TBL1X: variants seen among roughly 807,000 people sequenced by gnomAD.
TBL1X encodes F-box-like/WD repeat-containing protein TBL1X.
TBL1X carries 10 observed loss-of-function variants against 50.7 expected under a neutral mutation model. The ratio of observed to expected loss-of-function variants is 0.20; its 90% CI spans 0.12 to 0.33. TBL1X has a LOEUF of 0.33. TBL1X is among the 10% of genes least tolerant of loss of function. The probability of loss-of-function intolerance (pLI) is 1.00; values close to 1 mark genes in which losing one functional copy is unlikely to be tolerated. For missense variants in TBL1X, 340 were observed against 504.4 expected, an observed-to-expected ratio of 0.67 and a Z score of 3.12; for synonymous variants, 190 against 214.7, an observed-to-expected ratio of 0.88 and a Z score of 1.01.
chrX:9,628,528 T>C (rs2082704151), intron 2 of TBL1X, among the ~76,000 whole-genome samples: 1 of 106,687 alleles, frequency 9.4e-6, no homozygotes, highest in African/African-American at 3.4e-5. Flanking sequence ...CTCAGAAGAG[T>C]TGGACTTTTT....
chrX:9,651,019 T>A (rs2082831393), intron 3 of TBL1X, among the ~76,000 whole-genome samples: 1 of 16,427 alleles, frequency 6.1e-5, no homozygotes, highest in Non-Finnish European at 9.7e-5. Flanking sequence ...GCCTTTTTTT[T>A]TTTTTTTTTT....
intron 2 of TBL1X, among the ~76,000 whole-genome samples, chrX:9,618,887 C>T (rs982583380): frequency 1.2e-4 from 13 of 111,185 alleles, no homozygotes; most frequent in African/African-American, 3.9e-4. Flanking sequence ...AATATTGAGA[C>T]GCTGGTTGTA....
At chrX:9,488,645 T>TG (rs1014873798) in intron 1 of TBL1X, among the ~76,000 whole-genome samples, 2 of 112,022 alleles carry the variant, frequency 1.8e-5, no homozygotes, top group African/African-American at 6.5e-5. Context: ...TGAGCATCTT[T>TG]GGGGGCCATT....
At chrX:9,711,579 AT>A (rs761955938) in intron 15 of TBL1X, 31 bp from the exon 16 acceptor site, 43 of 1,145,938 alleles carry the variant, frequency 3.8e-5, no homozygotes, top group Non-Finnish European at 4.4e-5. Context: ...CACCGTGTGT[AT>A]GTGATTTTGC....
At chrX:9,659,298 A>G (rs747734132) in intron 5 of TBL1X, among the ~76,000 whole-genome samples, 1 of 111,945 alleles carries the variant, frequency 8.9e-6, no homozygotes, top group East Asian at 2.8e-4. Context: ...CCCGGCAACC[A>G]CCACTGCTCT....
At chrX:9,534,077 C>T (rs746082245) in intron 2 of TBL1X, among the ~76,000 whole-genome samples, 1 of 111,332 alleles carries the variant, frequency 9.0e-6, no homozygotes, top group African/African-American at 3.3e-5. Flanking sequence ...GCCTGCAGGT[C>T]GGGTCGGTGT....
At chrX:9,649,736 C>T (rs1211518608) in intron 3 of TBL1X, among the ~76,000 whole-genome samples, 2 of 111,344 alleles carry the variant, frequency 1.8e-5, no homozygotes, top group Non-Finnish European at 3.8e-5. Context: ...GAATATTAAC[C>T]AGGCTGTGTA....
chrX:9,550,961 G>C (rs1303479054), intron 2 of TBL1X, among the ~76,000 whole-genome samples: 4 of 109,047 alleles, frequency 3.7e-5, no homozygotes, highest in African/African-American at 1.3e-4. Context: ...GTGCAGGACA[G>C]CCCCCCCCCA....
chrX:9,658,973 A>G (rs1450595439), intron 5 of TBL1X, among the ~76,000 whole-genome samples: 1 of 110,697 alleles, frequency 9.0e-6, no homozygotes, highest in African/African-American at 3.3e-5. Flanking sequence ...AATTATGCCC[A>G]GCTAATTTCT....
intron 16 of TBL1X, 27 bp downstream of exon 16, chrX:9,711,803 C>T: frequency 8.6e-7 from 1 of 1,164,087 alleles, no homozygotes; most frequent in South Asian, 2.0e-5. Flanking sequence ...TACACCAAAT[C>T]CTTTTAGTAA....
chrX:9,497,272 G>A (rs765638512), intron 1 of TBL1X, among the ~76,000 whole-genome samples: 138 of 109,561 alleles, frequency 1.3e-3, no homozygotes, highest in African/African-American at 4.4e-3. Context: ...AGCTGGGTGT[G>A]GTGTTGTGTG....
chrX:9,558,209 C>G (rs1463394709), intron 2 of TBL1X, among the ~76,000 whole-genome samples: 1 of 112,519 alleles, frequency 8.9e-6, no homozygotes, highest in Admixed American at 9.4e-5. Flanking sequence ...ATCTGTGAAA[C>G]TTTTTGACAA....
At chrX:9,559,637 A>C (rs2082315854) in intron 2 of TBL1X, among the ~76,000 whole-genome samples, 1 of 111,751 alleles carries the variant, frequency 8.9e-6, no homozygotes, top group Admixed American at 9.5e-5. Flanking sequence ...TTACTGGAAT[A>C]AAAAAAATTA....
At chrX:9,709,449 C>T (rs771343070) in intron 14 of TBL1X, 127 bp downstream of exon 14, 37 of 960,764 alleles carry the variant, frequency 3.9e-5, no homozygotes, top group South Asian at 1.6e-4. Context: ...CTCTGTCATC[C>T]GGTGAGCTAC....
chrX:9,564,458 G>A (rs2082338589), intron 2 of TBL1X, among the ~76,000 whole-genome samples: 1 of 111,184 alleles, frequency 9.0e-6, no homozygotes, highest in South Asian at 3.8e-4. Context: ...AGGAGGCCAG[G>A]CGAGATGGCT....
intron 3 of TBL1X, among the ~76,000 whole-genome samples, chrX:9,641,749 T>C (rs2082776802): frequency 8.9e-6 from 1 of 112,819 alleles, no homozygotes; most frequent in Non-Finnish European, 1.9e-5. Context: ...CTCAGTATAA[T>C]GTTTTCAAGG....
At chrX:9,492,838 GGT>G (rs774050435) in intron 1 of TBL1X, among the ~76,000 whole-genome samples, 962 of 56,928 alleles carry the variant, frequency 0.017, 17 homozygotes, top group Non-Finnish European at 0.02. Flanking sequence ...GGGGCTAGAG[GGT>G]GTGTGTGTGT....
chrX:9,478,324 G>C (rs1166431851), intron 1 of TBL1X, among the ~76,000 whole-genome samples: 1 of 111,409 alleles, frequency 9.0e-6, no homozygotes, highest in Non-Finnish European at 1.9e-5. Context: ...GAAAGCACCT[G>C]CCTGTGAACC....
chrX:9,709,219 C>T, intron 13 of TBL1X, 29 bp from the exon 14 acceptor site: 2 of 1,203,538 alleles, frequency 1.7e-6, no homozygotes, highest in Non-Finnish European at 2.2e-6. Context: ...GCCCTGATGT[C>T]TTTTTCACAC....
Sources: gnomAD v4.1 joint callset for allele counts (sites outside exome capture counted in the v4.1 genomes callset) on GRCh38, gnomAD v4.1.1 for gene constraint, MANE v1.5 for transcripts, NCBI Gene and HGNC (gene_info 2026-07-23, HGNC 2026-07-21) for gene names.